The following MRTFB variants were observed in gnomAD, a reference collection of about 807,000 sequenced individuals.
The protein encoded by MRTFB is myocardin related transcription factor B, also known as myocardin-related transcription factor B.
A neutral mutation model predicts 104.2 loss-of-function variants in MRTFB; 29 were observed. The observed-to-expected ratio is 0.28, with a 90% CI of 0.21 to 0.38. The LOEUF is 0.38. Ranked by LOEUF, MRTFB falls within the 10% of genes least tolerant of loss-of-function variation. MRTFB has a pLI of 1.00. For synonymous variants in MRTFB, 535 were observed against 519.5 expected, an observed-to-expected ratio of 1.03 and a Z score of -0.41; for missense variants, 1,270 against 1,341.6, an observed-to-expected ratio of 0.95 and a Z score of 0.83.
chr16:14,070,033 T>A (rs892172933), upstream of MRTFB, among the ~76,000 whole-genome samples: 49 of 152,196 alleles, frequency 3.2e-4, no homozygotes, highest in African/African-American at 1.1e-3. Context: ...AGTGGACAGG[T>A]TTGGAGCATG....
chr16:14,079,540 C>T (rs535332461), intron 2 of MRTFB, among the ~76,000 whole-genome samples, 186 bp downstream of exon 2: 15 of 152,230 alleles, frequency 9.9e-5, no homozygotes, highest in African/African-American at 3.1e-4. Flanking sequence ...GTTCATTTGA[C>T]GTTCTCAACC....
At chr16:14,256,302 A>G (rs1335612155) in intron 15 of MRTFB, among the ~76,000 whole-genome samples, 2 of 152,156 alleles carry the variant, frequency 1.3e-5, no homozygotes, top group Admixed American at 6.5e-5. Context: ...TGACTAAACA[A>G]TTCAATTAAA....
At chr16:14,242,321 A>G (rs186045395) in intron 10 of MRTFB, among the ~76,000 whole-genome samples, 3 of 152,216 alleles carry the variant, frequency 2.0e-5, no homozygotes, top group Non-Finnish European at 4.4e-5. Flanking sequence ...CTCCTCAGAC[A>G]TTCAGCACCT....
chr16:14,073,420 T>G (rs2033853573), intron 1 of MRTFB, among the ~76,000 whole-genome samples: 1 of 152,234 alleles, frequency 6.6e-6, no homozygotes, highest in Non-Finnish European at 1.5e-5. Context: ...ATCTAGTCAA[T>G]TATAATAGGA....
intron 2 of MRTFB, among the ~76,000 whole-genome samples, chr16:14,119,868 C>T (rs533951795): frequency 1.7e-4 from 26 of 152,266 alleles, no homozygotes; most frequent in Non-Finnish European, 1.3e-4. Context: ...GAACAGCTGA[C>T]GTGTAGGGTC....
the MRTFB span, among the ~76,000 whole-genome samples, chr16:14,039,637 T>C: frequency 2.6e-5 from 4 of 152,132 alleles, no homozygotes; most frequent in South Asian, 2.1e-4. Context: ...CAAATTATAT[T>C]TGTACTACAA....
At chr16:14,145,589 G>A (rs770043672) in intron 3 of MRTFB, among the ~76,000 whole-genome samples, 35 of 152,072 alleles carry the variant, frequency 2.3e-4, no homozygotes, top group Non-Finnish European at 4.9e-4. Context: ...TCTTGAATGT[G>A]ACCAAAATAG....
intron 4 of MRTFB, 22 bp downstream of exon 4, chr16:14,210,330 C>A: frequency 6.3e-7 from 1 of 1,595,310 alleles, no homozygotes; most frequent in Non-Finnish European, 8.6e-7. Flanking sequence ...ACCATCACTG[C>A]CATCCCTAAC....
At chr16:14,120,539 T>A (rs1462681479) in intron 2 of MRTFB, among the ~76,000 whole-genome samples, 394 of 152,360 alleles carry the variant, frequency 2.6e-3, no homozygotes, top group African/African-American at 8.8e-3. Context: ...ACTGATTGCA[T>A]AGTCTTATCT....
the MRTFB span, among the ~76,000 whole-genome samples, chr16:14,011,800 A>G: frequency 3.3e-5 from 5 of 152,212 alleles, no homozygotes; most frequent in African/African-American, 1.2e-4. Context: ...TGAACCCAGA[A>G]GGTGGAGGTT....
At chr16:14,253,415 A>G (rs2043338133) in intron 15 of MRTFB, among the ~76,000 whole-genome samples, 1 of 152,188 alleles carries the variant, frequency 6.6e-6, no homozygotes, top group South Asian at 2.1e-4. Context: ...GTGCAGTTGT[A>G]CCAGTTCTCC....
intron 3 of MRTFB, among the ~76,000 whole-genome samples, chr16:14,205,092 C>G (rs2040881764): frequency 6.6e-6 from 1 of 152,092 alleles, no homozygotes; most frequent in Admixed American, 6.5e-5. Flanking sequence ...TATGTAGAAG[C>G]AGAGAATCAA....
At position 14,247,043 on chromosome 16, in the gene MRTFB, G is replaced by C; in HGVS notation, c.1783G>C (p.Val595Leu). ...GAAACTGGAACAAGAGCAGAAGCTC[G>C]TGGAAGTGCTGAAAATGCAACTTGA... ...KRKLEQEQKL[V>L]EVLKMQLEVE... Residue 595 changes from valine (V) to leucine (L), a missense_variant, in exon 12 of 17, where the codon GTG (valine) becomes CTG (leucine). Coordinates refer to ENST00000571589, the MANE Select transcript of MRTFB (RefSeq NM_001308142.2). 1 of 1,614,202 alleles carries C rather than the reference G, an allele frequency of 6.2e-7. No homozygotes were observed. The highest frequency in any genetic ancestry group is 8.5e-7 in the Non-Finnish European group (1 of 1,180,048).
intron 3 of MRTFB, among the ~76,000 whole-genome samples, chr16:14,192,744 G>C (rs1273973279): frequency 6.6e-6 from 1 of 152,132 alleles, no homozygotes; most frequent in Non-Finnish European, 1.5e-5. Flanking sequence ...GGCCTCTCTT[G>C]TGCTGCAGAC....
At chr16:14,224,381 G>GT (rs1042453102) in intron 8 of MRTFB, among the ~76,000 whole-genome samples, 14 of 152,202 alleles carry the variant, frequency 9.2e-5, no homozygotes, top group Admixed American at 1.3e-4. Context: ...AGTGTAAATG[G>GT]TTTTTTTACT....
chr16:14,233,400 C>T (rs555205334), intron 8 of MRTFB, among the ~76,000 whole-genome samples: 30 of 152,130 alleles, frequency 2.0e-4, no homozygotes, highest in Non-Finnish European at 3.2e-4. Flanking sequence ...AGGATGCTGC[C>T]GGAGGGTAGG....
At chr16:14,107,133 G>A (rs1039628000) in intron 2 of MRTFB, among the ~76,000 whole-genome samples, 3 of 152,218 alleles carry the variant, frequency 2.0e-5, no homozygotes, top group Non-Finnish European at 4.4e-5. Context: ...CTACTCGTGC[G>A]GCTGAAGCAG....
intron 16 of MRTFB, among the ~76,000 whole-genome samples, chr16:14,259,692 A>C (rs529302723): frequency 3.3e-5 from 5 of 152,316 alleles, no homozygotes; most frequent in African/African-American, 1.2e-4. Context: ...TGGAGGCTGC[A>C]ATGAGCTGAG....
chr16:14,223,095 T>C (rs1393132592), intron 8 of MRTFB, among the ~76,000 whole-genome samples: 1 of 151,734 alleles, frequency 6.6e-6, no homozygotes, highest in Non-Finnish European at 1.5e-5. Context: ...TTGCTTGAGC[T>C]CAGAAGTTCA....
Sources: gnomAD v4.1 joint callset for allele counts (sites outside exome capture counted in the v4.1 genomes callset) on GRCh38, gnomAD v4.1.1 for gene constraint, MANE v1.5 for transcripts, NCBI Gene and HGNC (gene_info 2026-07-23, HGNC 2026-07-21) for gene names.